EYS: variants seen among roughly 807,000 people sequenced by gnomAD.
EYS encodes the protein EGF-like photoreceptor maintenance factor, also known as protein eyes shut homolog.
Under a neutral mutation model 282.1 loss-of-function variants are expected in EYS, and 250 were observed. That is an observed-to-expected ratio of 0.89 (90% CI 0.80 to 0.98). The LOEUF is 0.98. Ranked by LOEUF, EYS falls within the 50% of genes least tolerant of loss-of-function variation. EYS has a pLI of 0.00. For synonymous variants in EYS, 1,355 were observed against 1,282.9 expected (o/e 1.06, Z -1.20); for missense variants, 4,016 against 3,709.0 (o/e 1.08, Z -2.15).
At chr6:65,618,041 G>A (rs1261339920) in intron 2 of EYS, among the ~76,000 whole-genome samples, 1 of 152,182 alleles carries the variant, frequency 6.6e-6, no homozygotes, top group Non-Finnish European at 1.5e-5. Flanking sequence ...ATAGCAGCAT[G>A]ATTTATAGTC....
chr6:64,261,011 A>C (rs200405703), intron 30 of EYS, among the ~76,000 whole-genome samples: 1 of 15,212 alleles, frequency 6.6e-5, no homozygotes, highest in Non-Finnish European at 1.8e-4. Flanking sequence ...AGCACTTATC[A>C]TTTTTTTGTG....
intron 5 of EYS, among the ~76,000 whole-genome samples, chr6:65,464,331 C>G (rs1014619455): frequency 6.6e-6 from 1 of 152,036 alleles, no homozygotes; most frequent in Non-Finnish European, 1.5e-5. Context: ...TTGGCTGTCC[C>G]ATGAAGGTAG....
At chr6:65,131,010 A>G (rs972331073) in intron 12 of EYS, among the ~76,000 whole-genome samples, 6 of 151,538 alleles carry the variant, frequency 4.0e-5, no homozygotes, top group Non-Finnish European at 7.4e-5. Flanking sequence ...TTATTTCTTA[A>G]GTTTTTATAA....
intron 22 of EYS, among the ~76,000 whole-genome samples, chr6:64,757,904 C>A (rs1562174844): frequency 6.6e-6 from 1 of 152,046 alleles, no homozygotes; most frequent in Non-Finnish European, 1.5e-5. Flanking sequence ...CCTGCCTCAG[C>A]CTCCTGAGTA....
intron 14 of EYS, among the ~76,000 whole-genome samples, chr6:64,984,825 G>C (rs1311989631): frequency 6.6e-6 from 1 of 151,320 alleles, no homozygotes; most frequent in African/African-American, 2.4e-5. Flanking sequence ...CCTTACTGTA[G>C]CAAAATCAGT....
chr6:64,572,570 G>A (rs1345749449), intron 26 of EYS, among the ~76,000 whole-genome samples: 1 of 152,096 alleles, frequency 6.6e-6, no homozygotes, highest in East Asian at 1.9e-4. Context: ...TAGCAAATTT[G>A]GCAAATACTC....
intron 22 of EYS, among the ~76,000 whole-genome samples, chr6:64,656,427 C>T (rs867584787): frequency 1.3e-5 from 2 of 152,016 alleles, no homozygotes; most frequent in Non-Finnish European, 2.9e-5. Context: ...GTCTTGAGAA[C>T]TTTTCCAAGA....
intron 26 of EYS, among the ~76,000 whole-genome samples, chr6:64,532,951 T>C (rs1764399136): frequency 6.6e-6 from 1 of 152,036 alleles, no homozygotes; most frequent in Non-Finnish European, 1.5e-5. Flanking sequence ...GTGAGTACTA[T>C]GCTAAAAGAT....
intron 2 of EYS, among the ~76,000 whole-genome samples, chr6:65,594,770 T>C (rs1020342047): frequency 6.6e-6 from 1 of 152,090 alleles, no homozygotes; most frequent in Non-Finnish European, 1.5e-5. Context: ...TTGCCTAGGT[T>C]TTCTTCTAGG....
chr6:64,728,351 T>C (rs1339449685), intron 22 of EYS, among the ~76,000 whole-genome samples: 3 of 152,212 alleles, frequency 2.0e-5, no homozygotes, highest in African/African-American at 7.2e-5. Context: ...TTTTATTTTT[T>C]TGAGATGGAG....
intron 31 of EYS, among the ~76,000 whole-genome samples, chr6:64,123,311 A>G (rs1016923787): frequency 1.1e-4 from 17 of 152,214 alleles, no homozygotes. Flanking sequence ...TAAAAATACT[A>G]TGTTATCTCT....
At chr6:65,220,188 C>T (rs758657672) in intron 12 of EYS, among the ~76,000 whole-genome samples, 19 of 151,774 alleles carry the variant, frequency 1.3e-4, no homozygotes, top group Non-Finnish European at 1.8e-4. Flanking sequence ...AGACTACTTG[C>T]GATTTTTAAT....
In EYS at chr6:65,106,131, A is replaced by G. The variant is rs1030179926; in HGVS notation, c.2024-48404T>C. 1.9e-4 allele frequency among the ~76,000 whole-genome samples: 29 copies of G among 151,976 alleles called. 1 individual carries two copies. The highest frequency in any genetic ancestry group is 7.0e-4 in the African/African-American group (29 of 41,420). On this transcript the variant is annotated intron_variant, in intron 12 of 42. Transcript: ENST00000503581. ...CTTTCATTGGAGAAAAATTAGACAC[A>G]AAGAAACTCTTACGCAGTATGGATA...
chr6:63,744,955 A>G (rs1049463364), intron 41 of EYS: 6 of 426,362 alleles, frequency 1.4e-5, no homozygotes, highest in African/African-American at 1.0e-4. Flanking sequence ...CCTCATCTCC[A>G]TCATGAAAAC....
intron 35 of EYS, among the ~76,000 whole-genome samples, chr6:63,912,183 A>G (rs985336628): frequency 2.6e-5 from 4 of 152,036 alleles, no homozygotes; most frequent in Admixed American, 6.6e-5. Context: ...ACCATTTTAT[A>G]CCTCTATTTC....
chr6:64,770,460 T>C (rs1773492155), intron 22 of EYS, among the ~76,000 whole-genome samples: 1 of 151,996 alleles, frequency 6.6e-6, no homozygotes, highest in Admixed American at 6.6e-5. Context: ...CTAATTGTTT[T>C]AAAAACAATT....
intron 26 of EYS, among the ~76,000 whole-genome samples, chr6:64,538,414 T>C (rs1014928698): frequency 1.1e-4 from 17 of 152,202 alleles, no homozygotes; most frequent in Non-Finnish European, 2.4e-4. Flanking sequence ...AATTCTATAA[T>C]TGGTAAGGTA....
rs540920288 is a variant in EYS at position 64,532,641 on chromosome 6, G to A, written c.5644+57582C>T. 8.5e-5 allele frequency among the ~76,000 whole-genome samples: 13 copies of A among 152,206 alleles called. No individual in the cohort carries two copies. The East Asian group carries it at 2.5e-3, about 30-fold the overall frequency. On this transcript the variant is annotated intron_variant, in intron 26 of 42. Transcript: ENST00000503581. ...GGAGAAAGGCGTGAACCCGGGAGGT[G>A]GAGTTTGCAGTGAGCTGAGATTGCG... is the stretch of plus-strand genomic sequence containing the variant.
At chr6:64,837,672 ATATATATATAGGATATATATATATATG>A (rs1765428560) in intron 19 of EYS, among the ~76,000 whole-genome samples, 1 of 96,466 alleles carries the variant, frequency 1.0e-5, no homozygotes, top group Non-Finnish European at 2.2e-5. Flanking sequence ...TATATGATAT[ATATATATATAGGATATATATATATATG>A]TATATCCTAA....
Sources: allele counts gnomAD v4.1 joint callset (sites outside exome capture counted in the v4.1 genomes callset), GRCh38; gene constraint gnomAD v4.1.1; transcripts MANE v1.5; gene names NCBI Gene and HGNC (gene_info 2026-07-23, HGNC 2026-07-21).